MYH11: variants seen among roughly 807,000 people sequenced by gnomAD.
MYH11 encodes myosin heavy chain 11.
Under a neutral mutation model 246.6 loss-of-function variants are expected in MYH11, and 80 were observed. The observed-to-expected ratio is 0.32, with a 90% CI of 0.27 to 0.39. MYH11 has a LOEUF of 0.39. MYH11 is among the 10% of genes least tolerant of loss of function. The pLI is 1.00. For synonymous variants in MYH11, 1,071 were observed against 1,015.5 expected (o/e 1.05, Z -1.04); for missense variants, 2,158 against 2,546.8 (o/e 0.85, Z 3.29).
Position 15,771,555 on chromosome 16 carries a change from G to A in MYH11, c.1033+14C>T. 6.2e-7 allele frequency: 1 copy of A among 1,612,922 alleles called. No individual in the cohort carries two copies. The highest frequency in any genetic ancestry group is 8.5e-7 in the Non-Finnish European group (1 of 1,179,912). ...CAGGCAAGCTACCCTCCAGACTCAA[G>A]GTGTGAGGCTTACATAGCTGCTCCT... On this transcript the variant is annotated intron_variant, in intron 9 of 40. Coordinates refer to ENST00000300036, the MANE Select transcript of MYH11 (RefSeq NM_002474.3).
At chr16:15,761,294 G>C (rs1028056689) in intron 10 of MYH11, among the ~76,000 whole-genome samples, 1 of 152,002 alleles carries the variant, frequency 6.6e-6, no homozygotes, top group Non-Finnish European at 1.5e-5. Flanking sequence ...TTGTATTTTA[G>C]TTGAGATGGA....
In MYH11 at chr16:15,741,168, T is replaced by G. The variant is rs970959155; in HGVS notation, c.2859+295A>C. On this transcript the variant is annotated intron_variant, in intron 22 of 40. Transcript: ENST00000300036. ...ACTTTTTATTTTTAGCTGCTGAGTT[T>G]GGCATGTTTTGTTATGTAGCAATAG... 10 of 563,098 alleles carry G rather than the reference T, an allele frequency of 1.8e-5. No individual in the cohort carries two copies. In the African/African-American group the frequency reaches 1.9e-4, roughly 11 times the overall value. The allele number at this position is 563,098 out of a possible 1,614,324, so 34.9% of individuals were successfully genotyped here. A position where few individuals can be genotyped will look rare whatever the true frequency, so the allele number is the denominator to read the frequency against.
At chr16:15,842,170 T>C (rs1407026527) in intron 1 of MYH11, among the ~76,000 whole-genome samples, 1 of 152,202 alleles carries the variant, frequency 6.6e-6, no homozygotes, top group African/African-American at 2.4e-5. Context: ...GTGGAACACC[T>C]GAGGTCAGGA....
Position 15,720,883 on chromosome 16 carries a change from G to A in MYH11, c.4747C>T (p.Arg1583Trp), listed in dbSNP as rs777170587. 67 of 1,613,792 alleles carry A rather than the reference G, an allele frequency of 4.2e-5. No individual in the cohort carries two copies. Among genetic ancestry groups the A allele is most frequent in the Admixed American group, 1.5e-4 (9 of 59,964 alleles). The change falls in exon 33 of 41, where the codon CGG becomes TGG. Residue 1583 changes from arginine to tryptophan, a missense_variant. This residue lies in a region of MYH11 where 1,013 missense variants were observed against 993.5 expected (regional missense o/e 1.02). Coordinates refer to ENST00000300036, the MANE Select transcript of MYH11 (RefSeq NM_002474.3). ...CTCTTCTCCTCATTCTGCTCGTCCC[G>A]GGCTTGGAGATCCCTTTCGAACTGG... ...KGQFERDLQARDEQNEEKRRQ... is the reference protein window; with the variant it reads ...KGQFERDLQAWDEQNEEKRRQ...
intron 1 of MYH11, among the ~76,000 whole-genome samples, chr16:15,848,520 C>T (rs369386317): frequency 6.6e-6 from 1 of 152,140 alleles, no homozygotes; most frequent in African/African-American, 2.4e-5. Flanking sequence ...AGGCGTGAGC[C>T]ACCGCAGCTG....
intron 10 of MYH11, among the ~76,000 whole-genome samples, chr16:15,761,328 G>C (rs1298884875): frequency 2.6e-5 from 4 of 152,148 alleles, no homozygotes; most frequent in African/African-American, 9.7e-5. Context: ...GCCCAGGCTG[G>C]TCTCGAAGTC....
At position 15,749,499 on chromosome 16, in the gene MYH11, G is replaced by A. The variant is rs561033345; in HGVS notation, c.2058+639C>T. 3 of 152,804 alleles carry A rather than the reference G, an allele frequency of 2.0e-5. No individual in the cohort carries two copies. The East Asian group carries it at 5.8e-4, about 29-fold the overall frequency. 9.5% of individuals were successfully genotyped at this position (152,804 alleles called of 1,614,324 possible). ...CCAGAAGCTTTCTCTGAGTCCTGAG[G>A]CTGTGGGAGGAGCCCTGGCTCTTTG... On this transcript the variant is annotated intron_variant, in intron 16 of 40. Coordinates refer to ENST00000300036, the MANE Select transcript of MYH11 (RefSeq NM_002474.3).
intron 1 of MYH11, among the ~76,000 whole-genome samples, chr16:15,845,326 C>A (rs971053854): frequency 7.0e-6 from 1 of 143,676 alleles, no homozygotes; most frequent in Non-Finnish European, 1.5e-5. Flanking sequence ...AGCTCATCAG[C>A]TATCATTAGT....
chr16:15,851,545 G>A (rs1015740164), intron 1 of MYH11, among the ~76,000 whole-genome samples: 3 of 151,988 alleles, frequency 2.0e-5, no homozygotes, highest in African/African-American at 7.3e-5. Flanking sequence ...ATGGACACCC[G>A]ATTAATTCTT....
intron 4 of MYH11, chr16:15,791,291 A>C (rs1030609875): frequency 2.0e-5 from 3 of 152,194 alleles, no homozygotes; most frequent in Non-Finnish European, 2.9e-5. Context: ...CAAATTCTGC[A>C]GCTGGTCCTG....
intron 9 of MYH11, among the ~76,000 whole-genome samples, chr16:15,764,583 T>C (rs2041940760): frequency 6.6e-6 from 1 of 152,156 alleles, no homozygotes; most frequent in South Asian, 2.1e-4. Context: ...AGACCGTCCA[T>C]TCAAGAAGAG....
chr16:15,765,201 CGGAT>C (rs1567741171), intron 9 of MYH11, among the ~76,000 whole-genome samples: 6 of 148,824 alleles, frequency 4.0e-5, no homozygotes, highest in South Asian at 2.2e-4. Context: ...GATGAATGGA[CGGAT>C]GGATGGATGG....
rs780993488 is a variant in MYH11 at position 15,708,782 on chromosome 16, G to T, written c.5787-4659C>A. ...ATGGATACTGAGACAACACACAGCT[G>T]CGAAGCTGAAGGCATGATACCTGGT... On this transcript the variant is annotated intron_variant, in intron 40 of 40. Coordinates refer to ENST00000300036, the MANE Select transcript of MYH11 (RefSeq NM_002474.3). 2.5e-6 allele frequency: 4 copies of T among 1,601,844 alleles called. No homozygotes were observed. In the South Asian group the frequency reaches 3.4e-5, roughly 14 times the overall value.
chr16:15,843,399 G>C (rs2044105666), intron 1 of MYH11, among the ~76,000 whole-genome samples: 1 of 150,906 alleles, frequency 6.6e-6, no homozygotes, highest in African/African-American at 2.4e-5. Context: ...AAAGAAGAAA[G>C]GAAGGAAGAG....
intron 2 of MYH11, among the ~76,000 whole-genome samples, chr16:15,836,438 T>C (rs1242405919): frequency 2.0e-5 from 3 of 152,188 alleles, no homozygotes; most frequent in Non-Finnish European, 4.4e-5. Flanking sequence ...TTGCTCTTAT[T>C]GCCCAAGCTG....
intron 40 of MYH11, among the ~76,000 whole-genome samples, chr16:15,709,942 C>T (rs956756204): frequency 6.6e-6 from 1 of 152,092 alleles, no homozygotes; most frequent in Non-Finnish European, 1.5e-5. Context: ...GGGCTTGTGT[C>T]GAGATGCGTC....
At chr16:15,816,582 G>A (rs1438811278) in intron 3 of MYH11, among the ~76,000 whole-genome samples, 1 of 152,082 alleles carries the variant, frequency 6.6e-6, no homozygotes. Context: ...TCTGAACACT[G>A]AGTTTGTCAA....
chr16:15,765,865 TCA>T (rs148764902), intron 9 of MYH11, among the ~76,000 whole-genome samples: 2 of 152,328 alleles, frequency 1.3e-5, no homozygotes, highest in East Asian at 3.9e-4. Context: ...AGAGTTGCAC[TCA>T]CAGTTTTAAA....
chr16:15,703,953 TG>T lies in MYH11; in HGVS notation c.*37del. 6.2e-7 allele frequency: 1 copy of T among 1,613,722 alleles called. No individual in the cohort carries two copies. The highest frequency in any genetic ancestry group is 2.2e-5 in the East Asian group (1 of 44,854). ...TTTTTTGTTTGTTTGTTTTGGTTTT[TG>T]GTTTTCTTGCCGTGGTGCAAAACTG... is the stretch of plus-strand genomic sequence containing the variant. On this transcript the variant is annotated 3_prime_UTR_variant, in exon 41 of 41. Transcript: ENST00000300036.
Sources: gnomAD v4.1 joint callset for allele counts (sites outside exome capture counted in the v4.1 genomes callset) on GRCh38, gnomAD v4.1.1 for gene constraint, gnomAD v4.1.1 regional missense constraint, MANE v1.5 for transcripts, NCBI Gene and HGNC (gene_info 2026-07-23, HGNC 2026-07-21) for gene names.